The following GLIS3 variants were observed in gnomAD, a reference collection of about 807,000 sequenced individuals.
GLIS3 encodes the protein GLIS family zinc finger 3.
Under a neutral mutation model 78.6 loss-of-function variants are expected in GLIS3, and 53 were observed. The observed-to-expected ratio is 0.67, with a 90% confidence interval of 0.54 to 0.85. The LOEUF is 0.85. Ranked by LOEUF, GLIS3 falls within the 40% of genes least tolerant of loss-of-function variation. The probability of loss-of-function intolerance (pLI) is 0.00; values close to 1 mark genes in which losing one functional copy is unlikely to be tolerated. For synonymous variants in GLIS3, 684 were observed against 509.9 expected, an observed-to-expected ratio of 1.34 and a Z score of -4.60; for missense variants, 1,703 against 1,231.1, an observed-to-expected ratio of 1.38 and a Z score of -5.74.
intron 4 of GLIS3, among the ~76,000 whole-genome samples, chr9:4,010,841 GA>G (rs1821945426): frequency 6.6e-6 from 1 of 152,170 alleles, no homozygotes; most frequent in African/African-American, 2.4e-5. Context: ...TCTGACGTAT[GA>G]ACCCATGAAC....
rs1369870095 is a variant in GLIS3 at position 3,829,505 on chromosome 9, C to T, written c.2474-13G>A. On this transcript the variant is annotated splice_polypyrimidine_tract_variant and intron_variant, in intron 9 of 10. Coordinates refer to ENST00000381971, the MANE Select transcript of GLIS3 (RefSeq NM_001042413.2). ...TGCCCATAAAATCCTGAAACGCAAGCATGGCATTGAGCACAAGTTCCTTTG... is the reference window on the plus strand; with the variant it reads ...TGCCCATAAAATCCTGAAACGCAAGTATGGCATTGAGCACAAGTTCCTTTG... The T allele has an allele frequency of 1.9e-6, 3 of 1,613,902 alleles. No individual in the cohort carries two copies. In the South Asian group the frequency reaches 3.3e-5, roughly 18 times the overall value.
chr9:4,319,065 A>G (rs1165640934), intron 2 of GLIS3, among the ~76,000 whole-genome samples: 1 of 152,222 alleles, frequency 6.6e-6, no homozygotes, highest in Non-Finnish European at 1.5e-5. Context: ...AAAAATGTCA[A>G]TGTCATGAAA....
At chr9:4,070,264 C>G (rs1827475059) in intron 4 of GLIS3, among the ~76,000 whole-genome samples, 1 of 152,100 alleles carries the variant, frequency 6.6e-6, no homozygotes, top group African/African-American at 2.4e-5. Flanking sequence ...CTGAATTCCC[C>G]TCTCATGGGG....
intron 1 of GLIS3, among the ~76,000 whole-genome samples, chr9:4,347,784 C>G (rs1208693740): frequency 6.6e-6 from 1 of 151,648 alleles, no homozygotes; most frequent in Non-Finnish European, 1.5e-5. Context: ...CAATTTAATT[C>G]AGATGAAAAT....
At chr9:4,238,173 G>A (rs1822951903) in intron 2 of GLIS3, among the ~76,000 whole-genome samples, 1 of 152,078 alleles carries the variant, frequency 6.6e-6, no homozygotes, top group South Asian at 2.1e-4. Context: ...TTTATTCCCT[G>A]CCCCCTCCCG....
intron 4 of GLIS3, among the ~76,000 whole-genome samples, chr9:4,046,562 G>C (rs1483313017): frequency 6.6e-6 from 1 of 152,208 alleles, no homozygotes. Context: ...AATCAATGAA[G>C]CTAATACGAT....
chr9:3,987,554 T>G (rs1295932615), intron 4 of GLIS3, among the ~76,000 whole-genome samples: 3 of 150,916 alleles, frequency 2.0e-5, no homozygotes, highest in African/African-American at 7.3e-5. Context: ...ATGCAAAAAT[T>G]AGCTGGGCGT....
chr9:4,052,763 G>A (rs1309879833), intron 4 of GLIS3, among the ~76,000 whole-genome samples: 1 of 152,088 alleles, frequency 6.6e-6, no homozygotes, highest in Admixed American at 6.6e-5. Flanking sequence ...TGCCTATTAT[G>A]AGCAGTGCTA....
intron 9 of GLIS3, among the ~76,000 whole-genome samples, chr9:3,834,265 T>C (rs1818213734): frequency 6.6e-6 from 1 of 152,098 alleles, no homozygotes; most frequent in Non-Finnish European, 1.5e-5. Flanking sequence ...GTTTCCAAAC[T>C]AGAAAGGGAG....
intron 2 of GLIS3, among the ~76,000 whole-genome samples, chr9:4,283,485 C>A (rs1452459551): frequency 6.6e-6 from 1 of 152,108 alleles, no homozygotes; most frequent in African/African-American, 2.4e-5. Flanking sequence ...AGGCTGGCTT[C>A]AAACTCCTGA....
At chr9:4,413,006 G>T in the GLIS3 span, among the ~76,000 whole-genome samples, 1 of 152,174 alleles carries the variant, frequency 6.6e-6, no homozygotes, top group Non-Finnish European at 1.5e-5. Context: ...ATATGAATAA[G>T]AAACTTCTGT....
the GLIS3 span, among the ~76,000 whole-genome samples, chr9:4,365,643 C>T: frequency 3.9e-5 from 6 of 152,200 alleles, no homozygotes; most frequent in African/African-American, 7.2e-5. Flanking sequence ...GACTTGCTCA[C>T]TTGGATGGAC....
At chr9:3,916,995 C>G (rs1180560997) in intron 6 of GLIS3, among the ~76,000 whole-genome samples, 4 of 152,112 alleles carry the variant, frequency 2.6e-5, no homozygotes, top group African/African-American at 9.7e-5. Flanking sequence ...AGAGGTAACT[C>G]TGAGATAGTG....
chr9:4,083,813 C>T (rs2038970038), intron 4 of GLIS3, among the ~76,000 whole-genome samples: 1 of 152,200 alleles, frequency 6.6e-6, no homozygotes, highest in Middle Eastern at 3.2e-3. Flanking sequence ...AGATGACCAG[C>T]TAAGCTTACA....
At chr9:4,423,352 C>T in the GLIS3 span, among the ~76,000 whole-genome samples, 1 of 152,124 alleles carries the variant, frequency 6.6e-6, no homozygotes, top group Admixed American at 6.5e-5. Context: ...TTAGTCTTAG[C>T]TCCCAAGGCC....
chr9:4,031,070 C>G (rs1257030555), intron 4 of GLIS3, among the ~76,000 whole-genome samples: 1 of 152,140 alleles, frequency 6.6e-6, no homozygotes, highest in Non-Finnish European at 1.5e-5. Context: ...GGTGCAGCTG[C>G]TGTGGAAAAC....
At chr9:4,024,825 C>T (rs1588476923) in intron 4 of GLIS3, among the ~76,000 whole-genome samples, 2 of 152,162 alleles carry the variant, frequency 1.3e-5, no homozygotes, top group South Asian at 4.1e-4. Flanking sequence ...ACAGATATGA[C>T]CAATTTAGAT....
intron 2 of GLIS3, among the ~76,000 whole-genome samples, chr9:4,257,365 G>T (rs7024966): frequency 0.23 from 35,135 of 152,054 alleles, 4,944 homozygotes; most frequent in Non-Finnish European, 0.32. Context: ...GGGCACAAAG[G>T]TGCAGTTATG....
chr9:4,124,322 G>A (rs1832405216), intron 3 of GLIS3, among the ~76,000 whole-genome samples: 1 of 152,322 alleles, frequency 6.6e-6, no homozygotes, highest in African/African-American at 2.4e-5. Flanking sequence ...AGAAAACAAT[G>A]AGATAATGAC....
Sources: gnomAD v4.1 joint callset for allele counts (sites outside exome capture counted in the v4.1 genomes callset) on GRCh38, gnomAD v4.1.1 for gene constraint, MANE v1.5 for transcripts, NCBI Gene and HGNC (gene_info 2026-07-23, HGNC 2026-07-21) for gene names.